The following NLGN1 variants were observed in gnomAD, a reference collection of about 807,000 sequenced individuals.
NLGN1 encodes the protein neuroligin 1.
In NLGN1, 12 loss-of-function variants were observed where a neutral mutation model predicts 65.5. The ratio of observed to expected loss-of-function variants is 0.18; its 90% CI spans 0.12 to 0.30. The LOEUF (loss-of-function observed/expected upper bound fraction) is 0.30. Among genes scored for constraint, NLGN1 ranks in the 10% least tolerant of loss-of-function variants. The pLI is 1.00. For synonymous variants in NLGN1, 350 were observed against 359.5 expected, an observed-to-expected ratio of 0.97 and a Z score of 0.30; for missense variants, 750 against 1,007.1, an observed-to-expected ratio of 0.74 and a Z score of 3.46.
intron 4 of NLGN1, among the ~76,000 whole-genome samples, chr3:173,991,551 C>T (rs1466253425): frequency 2.6e-5 from 4 of 151,932 alleles, no homozygotes; most frequent in African/African-American, 7.3e-5. Flanking sequence ...GTTTGTGTAA[C>T]CAGGGAATAG....
At chr3:173,435,766 C>T (rs563753058) in intron 2 of NLGN1, among the ~76,000 whole-genome samples, 1 of 152,212 alleles carries the variant, frequency 6.6e-6, no homozygotes, top group South Asian at 2.1e-4. Context: ...ACCTGGGAGG[C>T]AGAGGCTGCA....
chr3:173,988,509 G>C (rs983686154), intron 4 of NLGN1, among the ~76,000 whole-genome samples: 1 of 152,142 alleles, frequency 6.6e-6, no homozygotes, highest in East Asian at 1.9e-4. Flanking sequence ...CATGAAGGAA[G>C]ATAGCAGGTT....
At chr3:173,746,679 T>C (rs960189205) in intron 3 of NLGN1, among the ~76,000 whole-genome samples, 2 of 152,086 alleles carry the variant, frequency 1.3e-5, no homozygotes, top group African/African-American at 4.8e-5. Flanking sequence ...TATAGTTATT[T>C]ATGTAATTAT....
chr3:173,600,031 G>T (rs1044399951), intron 2 of NLGN1, among the ~76,000 whole-genome samples: 7 of 152,078 alleles, frequency 4.6e-5, no homozygotes, highest in Non-Finnish European at 8.8e-5. Flanking sequence ...TCTAGCACCT[G>T]TTAGTGAGGT....
chr3:174,173,266 T>C (rs1044880372), intron 4 of NLGN1, among the ~76,000 whole-genome samples: 1 of 152,086 alleles, frequency 6.6e-6, no homozygotes, highest in Non-Finnish European at 1.5e-5. Context: ...AAGAATGGTT[T>C]GACTTATTCC....
intron 4 of NLGN1, among the ~76,000 whole-genome samples, chr3:174,029,871 T>C (rs1729599246): frequency 6.6e-6 from 1 of 152,170 alleles, no homozygotes; most frequent in Non-Finnish European, 1.5e-5. Flanking sequence ...GTGACTTTGC[T>C]CCTCATTTGC....
chr3:173,970,317 C>A (rs778551553), intron 4 of NLGN1, among the ~76,000 whole-genome samples: 2 of 151,970 alleles, frequency 1.3e-5, no homozygotes, highest in Non-Finnish European at 2.9e-5. Flanking sequence ...GTACAGGGTG[C>A]GTTGTGAAAA....
chr3:174,248,277 TTTC>T (rs1744151154), intron 4 of NLGN1, among the ~76,000 whole-genome samples: 1 of 151,718 alleles, frequency 6.6e-6, no homozygotes, highest in Non-Finnish European at 1.5e-5. Context: ...ATATGGATGA[TTTC>T]TTTTCTTTCC....
intron 4 of NLGN1, among the ~76,000 whole-genome samples, chr3:174,207,667 G>A (rs895195589): frequency 2.0e-5 from 3 of 152,122 alleles, no homozygotes; most frequent in Non-Finnish European, 2.9e-5. Context: ...CTTCAAGTAA[G>A]ACAGTCAGAG....
chr3:173,566,586 T>A (rs1342255965), intron 2 of NLGN1, among the ~76,000 whole-genome samples: 1 of 152,140 alleles, frequency 6.6e-6, no homozygotes, highest in Non-Finnish European at 1.5e-5. Context: ...TTATCCTCCA[T>A]ACTTAGTCTT....
At chr3:174,106,426 G>T (rs765026896) in intron 4 of NLGN1, among the ~76,000 whole-genome samples, 16 of 151,894 alleles carry the variant, frequency 1.1e-4, no homozygotes, top group Non-Finnish European at 1.6e-4. Flanking sequence ...CCATGGTCAG[G>T]CTTCCTCAAA....
chr3:173,759,237 C>G (rs1046450881), intron 3 of NLGN1, among the ~76,000 whole-genome samples: 3 of 151,842 alleles, frequency 2.0e-5, no homozygotes, highest in Non-Finnish European at 1.5e-5. Flanking sequence ...TATGCATCTT[C>G]CTTTCACTAA....
At chr3:173,895,712 C>A (rs1245774099) in intron 4 of NLGN1, among the ~76,000 whole-genome samples, 4 of 151,270 alleles carry the variant, frequency 2.6e-5, no homozygotes, top group African/African-American at 9.7e-5. Context: ...TTTTTTGAGA[C>A]AAGAGTCTCA....
At chr3:173,488,564 T>C (rs1560325368) in intron 2 of NLGN1, among the ~76,000 whole-genome samples, 1 of 152,120 alleles carries the variant, frequency 6.6e-6, no homozygotes, top group African/African-American at 2.4e-5. Context: ...ACTTTTAGGG[T>C]AACCACTAGT....
intron 2 of NLGN1, among the ~76,000 whole-genome samples, chr3:173,501,500 A>C (rs1731114680): frequency 6.6e-6 from 1 of 152,118 alleles, no homozygotes; most frequent in South Asian, 2.1e-4. Flanking sequence ...GACTTTATCT[A>C]CTTCCCACTT....
rs1732801300 is a variant in NLGN1, at chr3:173,510,696, A to G, written c.-321+75618A>G. 7.2e-5 allele frequency among the ~76,000 whole-genome samples: 11 copies of G among 152,208 alleles called. No individual in the cohort carries two copies. In the South Asian group the frequency reaches 2.3e-3, roughly 32 times the overall value. On this transcript the variant is annotated intron_variant, in intron 2 of 6. Coordinates refer to ENST00000457714, the Ensembl canonical transcript of NLGN1. ...GTTTGTGCTCTCCAGTTGATAAATT[A>G]TCTTTGTGCCTTGTCGTTATAAAAA...
chr3:174,051,250 G>A (rs1432141710), intron 4 of NLGN1, among the ~76,000 whole-genome samples: 3 of 152,022 alleles, frequency 2.0e-5, no homozygotes, highest in Admixed American at 6.6e-5. Context: ...GCCACCCACC[G>A]TATTATGATG....
chr3:174,066,516 G>GTCTCTCGCTC (rs1738583687), intron 4 of NLGN1, among the ~76,000 whole-genome samples: 1 of 67,012 alleles, frequency 1.5e-5, no homozygotes, highest in Non-Finnish European at 2.8e-5. Context: ...TATGGAACAA[G>GTCTCTCGCTC]TCTCTCTCTC....
exon 7 of NLGN1, chr3:174,282,501 G>A (rs1331114018): frequency 6.6e-6 from 1 of 152,104 alleles, no homozygotes; most frequent in African/African-American, 2.4e-5. Context: ...TCATTCACTG[G>A]AATTTACTCA....
Sources: allele counts gnomAD v4.1 joint callset (sites outside exome capture counted in the v4.1 genomes callset), GRCh38; gene constraint gnomAD v4.1.1; transcripts MANE v1.5; gene names NCBI Gene and HGNC (gene_info 2026-07-23, HGNC 2026-07-21).